The following PRKG1 variants were observed in gnomAD, a reference collection of about 807,000 sequenced individuals.
PRKG1 encodes protein kinase cGMP-dependent 1, also known as cGMP-dependent protein kinase 1.
Under a neutral mutation model 88.1 loss-of-function variants are expected in PRKG1, and 35 were observed. The ratio of observed to expected loss-of-function variants is 0.40; its 90% CI spans 0.30 to 0.53. The LOEUF (loss-of-function observed/expected upper bound fraction) is 0.53. Among genes scored for constraint, PRKG1 ranks in the 20% least tolerant of loss-of-function variants. The probability of loss-of-function intolerance (pLI) is 0.59; values close to 1 mark genes in which losing one functional copy is unlikely to be tolerated. For synonymous variants in PRKG1, 303 were observed against 292.5 expected (o/e 1.04, Z -0.37); for missense variants, 540 against 839.8 (o/e 0.64, Z 4.41).
At chr10:51,827,154 T>C (rs1228037654) in intron 4 of PRKG1, among the ~76,000 whole-genome samples, 1 of 152,192 alleles carries the variant, frequency 6.6e-6, no homozygotes, top group East Asian at 1.9e-4. Flanking sequence ...TTGTTTATTA[T>C]CTCAGTATTC....
At chr10:51,651,247 A>G (rs530614201) in intron 3 of PRKG1, among the ~76,000 whole-genome samples, 1 of 152,280 alleles carries the variant, frequency 6.6e-6, no homozygotes, top group Non-Finnish European at 1.5e-5. Flanking sequence ...ACAATCTGAC[A>G]GTAGCCTTCC....
intron 2 of PRKG1, among the ~76,000 whole-genome samples, chr10:51,461,972 C>A (rs1247283866): frequency 6.6e-6 from 1 of 152,166 alleles, no homozygotes; most frequent in Non-Finnish European, 1.5e-5. Context: ...GAAAGCAGAT[C>A]CACAGATGAA....
intron 2 of PRKG1, among the ~76,000 whole-genome samples, chr10:51,383,233 T>C (rs1477528962): frequency 1.3e-5 from 2 of 152,046 alleles, no homozygotes; most frequent in Non-Finnish European, 1.5e-5. Context: ...TACTGTCTTA[T>C]TATCCTGAGT....
rs932315063 is a variant in PRKG1 at position 51,010,144 on chromosome 10, G to T, written c.266+18500G>T. Among the ~76,000 whole-genome samples, 4 of 152,256 alleles carry T rather than the reference G, an allele frequency of 2.6e-5. No homozygotes were observed. The South Asian group carries it at 8.3e-4, about 32-fold the overall frequency. ...CCAGGGCCATTGTTTGTGCGAAGTT[G>T]TGTTAAGAATGTAGGTTGAAAGGTA... is the stretch of plus-strand genomic sequence containing the variant. On this transcript the variant is annotated intron_variant, in intron 1 of 17. Coordinates refer to the PRKG1 transcript ENST00000401604.
intron 1 of PRKG1, among the ~76,000 whole-genome samples, chr10:51,126,053 ATT>A (rs1589172175): frequency 8.1e-6 from 1 of 123,128 alleles, no homozygotes; most frequent in East Asian, 2.4e-4. Flanking sequence ...ACTATATATA[ATT>A]ATATATAATA....
intron 1 of PRKG1, among the ~76,000 whole-genome samples, chr10:51,111,294 C>T (rs1170652661): frequency 6.6e-6 from 1 of 151,974 alleles, no homozygotes; most frequent in Non-Finnish European, 1.5e-5. Context: ...TGTGTGGGCA[C>T]ATAGTAGATT....
intron 5 of PRKG1, among the ~76,000 whole-genome samples, chr10:52,035,109 A>T (rs1448659852): frequency 2.0e-5 from 3 of 152,160 alleles, no homozygotes; most frequent in African/African-American, 4.8e-5. Flanking sequence ...GACTGTATTG[A>T]GGTGGGAAGG....
intron 3 of PRKG1, among the ~76,000 whole-genome samples, chr10:51,534,365 A>G (rs1389765714): frequency 2.0e-5 from 3 of 152,092 alleles, no homozygotes. Flanking sequence ...CAAGGAGAAA[A>G]TGAAAATGAA....
At chr10:51,878,956 T>G (rs1158254546) in intron 4 of PRKG1, among the ~76,000 whole-genome samples, 2 of 152,168 alleles carry the variant, frequency 1.3e-5, no homozygotes, top group East Asian at 3.9e-4. Context: ...CTAATCCCAT[T>G]ATTGCCAGCT....
chr10:51,602,023 CA>C (rs1048654440), intron 3 of PRKG1, among the ~76,000 whole-genome samples: 81 of 152,080 alleles, frequency 5.3e-4, no homozygotes, highest in African/African-American at 1.8e-3. Context: ...TCTGGCATTT[CA>C]TGTCTCATGT....
At chr10:51,369,602 T>C (rs1842659608) in intron 2 of PRKG1, among the ~76,000 whole-genome samples, 1 of 152,104 alleles carries the variant, frequency 6.6e-6, no homozygotes, top group South Asian at 2.1e-4. Flanking sequence ...CCCAAGGCTG[T>C]ACAGCTTCTT....
intron 3 of PRKG1, among the ~76,000 whole-genome samples, chr10:51,670,693 G>A (rs1352380055): frequency 1.4e-4 from 20 of 147,004 alleles, no homozygotes; most frequent in African/African-American, 3.7e-4. Context: ...CCGAGATCCC[G>A]CCACTGCACT....
intron 3 of PRKG1, among the ~76,000 whole-genome samples, chr10:51,482,216 C>A (rs1006667112): frequency 6.6e-6 from 1 of 152,116 alleles, no homozygotes; most frequent in African/African-American, 2.4e-5. Context: ...CAAGTATGAA[C>A]GACATCCCTG....
chr10:52,276,837 G>T (rs927244983), intron 12 of PRKG1, among the ~76,000 whole-genome samples: 2 of 152,130 alleles, frequency 1.3e-5, no homozygotes, highest in African/African-American at 2.4e-5. Flanking sequence ...CTTTGTGACT[G>T]CTTTCAAGAT....
intron 1 of PRKG1, among the ~76,000 whole-genome samples, chr10:51,083,729 T>G (rs1313829103): frequency 6.6e-6 from 1 of 152,118 alleles, no homozygotes; most frequent in Non-Finnish European, 1.5e-5. Context: ...GATCTTGGTG[T>G]GTCCCTCATG....
intron 3 of PRKG1, among the ~76,000 whole-genome samples, chr10:51,766,899 T>G (rs1216384397): frequency 6.6e-6 from 1 of 152,162 alleles, no homozygotes; most frequent in East Asian, 1.9e-4. Flanking sequence ...TTTTGAGGAC[T>G]GACACCCTTT....
At chr10:51,371,266 G>A (rs1227518633) in intron 2 of PRKG1, among the ~76,000 whole-genome samples, 1 of 152,028 alleles carries the variant, frequency 6.6e-6, no homozygotes, top group Non-Finnish European at 1.5e-5. Context: ...GCCAGGAATG[G>A]TGGCTCATGC....
intron 4 of PRKG1, among the ~76,000 whole-genome samples, chr10:51,836,642 T>C (rs1240439219): frequency 6.6e-6 from 1 of 152,084 alleles, no homozygotes; most frequent in Non-Finnish European, 1.5e-5. Context: ...GGATAAGGGG[T>C]ATACACTATC....
chr10:51,856,830 T>A (rs1334859934), intron 4 of PRKG1, among the ~76,000 whole-genome samples: 3 of 151,930 alleles, frequency 2.0e-5, no homozygotes. Context: ...CCAGGCATGG[T>A]GGCGGGTGCC....
Sources: gnomAD v4.1 joint callset for allele counts (sites outside exome capture counted in the v4.1 genomes callset) on GRCh38, gnomAD v4.1.1 for gene constraint, MANE v1.5 for transcripts, NCBI Gene and HGNC (gene_info 2026-07-23, HGNC 2026-07-21) for gene names.